The following NCOA1 variants were observed in gnomAD, a reference collection of about 807,000 sequenced individuals.
The protein encoded by NCOA1 is Hin-2 protein.
Under a neutral mutation model 150.9 loss-of-function variants are expected in NCOA1, and 35 were observed. The ratio of observed to expected loss-of-function variants is 0.23; its 90% CI spans 0.18 to 0.31. The LOEUF is 0.31. Among genes scored for constraint, NCOA1 ranks in the 10% least tolerant of loss-of-function variants. The pLI is 1.00. For missense variants in NCOA1, 1,491 were observed against 1,749.3 expected (o/e 0.85, Z 2.63); for synonymous variants, 590 against 630.0 (o/e 0.94, Z 0.95).
intron 4 of NCOA1, among the ~76,000 whole-genome samples, chr2:24,645,607 G>A (rs938528440): frequency 1.3e-5 from 2 of 151,620 alleles, no homozygotes; most frequent in Admixed American, 6.6e-5. Context: ...GTATTTACAC[G>A]TTGAGTGCCC....
chr2:24,579,229 C>T (rs1350546086), intron 2 of NCOA1, among the ~76,000 whole-genome samples: 2 of 152,098 alleles, frequency 1.3e-5, no homozygotes, highest in Non-Finnish European at 2.9e-5. Context: ...TATGGATTCT[C>T]TTGGGAGCCA....
chr2:24,731,604 CAATA>C (rs531366063), intron 17 of NCOA1, among the ~76,000 whole-genome samples: 2 of 150,964 alleles, frequency 1.3e-5, no homozygotes, highest in African/African-American at 2.4e-5. Context: ...GATAGAATAA[CAATA>C]AAAGGAATAA....
chr2:24,694,714 T>C (rs1355256689), intron 10 of NCOA1, among the ~76,000 whole-genome samples: 2 of 152,150 alleles, frequency 1.3e-5, no homozygotes, highest in East Asian at 3.8e-4. Context: ...GAGTCTACCA[T>C]GTATTATGTT....
At chr2:24,593,238 T>G (rs1262555077) in intron 3 of NCOA1, among the ~76,000 whole-genome samples, 4 of 152,022 alleles carry the variant, frequency 2.6e-5, no homozygotes, top group South Asian at 2.1e-4. Flanking sequence ...AAACCTATAT[T>G]TATTAAACTC....
At chr2:24,528,919 C>A (rs1163769787) in intron 1 of NCOA1, among the ~76,000 whole-genome samples, 1 of 152,160 alleles carries the variant, frequency 6.6e-6, no homozygotes, top group Non-Finnish European at 1.5e-5. Context: ...CAGTCTCTCA[C>A]ATTCTTGCCC....
At chr2:24,614,257 A>G (rs1320665859) in intron 3 of NCOA1, among the ~76,000 whole-genome samples, 6 of 63,146 alleles carry the variant, frequency 9.5e-5, no homozygotes. Context: ...TCTGTTATCC[A>G]GGCTGGAGTA....
At chr2:24,514,378 T>C (rs763287158) in intron 1 of NCOA1, among the ~76,000 whole-genome samples, 25 of 150,208 alleles carry the variant, frequency 1.7e-4, no homozygotes, top group Admixed American at 5.3e-4. Flanking sequence ...GCATTGGTAA[T>C]AGTCTTCATT....
At chr2:24,580,039 A>G (rs1258113157) in intron 2 of NCOA1, among the ~76,000 whole-genome samples, 1 of 152,192 alleles carries the variant, frequency 6.6e-6, no homozygotes, top group African/African-American at 2.4e-5. Context: ...TCAGGTGTGG[A>G]CGTCAGTAAA....
intron 1 of NCOA1, among the ~76,000 whole-genome samples, chr2:24,526,113 T>C (rs570058897): frequency 6.6e-6 from 1 of 152,338 alleles, no homozygotes; most frequent in East Asian, 1.9e-4. Context: ...TCAGACTCTT[T>C]TGGAAATCCT....
intron 10 of NCOA1, among the ~76,000 whole-genome samples, chr2:24,694,601 G>C (rs1572603215): frequency 6.6e-6 from 1 of 152,146 alleles, no homozygotes; most frequent in East Asian, 1.9e-4. Flanking sequence ...GGATAAATTA[G>C]CACAGATAAT....
At chr2:24,617,086 A>T (rs1668904571) in intron 3 of NCOA1, among the ~76,000 whole-genome samples, 1 of 152,146 alleles carries the variant, frequency 6.6e-6, no homozygotes, top group South Asian at 2.1e-4. Context: ...ACTTACCATC[A>T]AATACTTGTT....
At chr2:24,492,431 T>A (rs1446642562) in intron 1 of NCOA1, among the ~76,000 whole-genome samples, 1 of 152,184 alleles carries the variant, frequency 6.6e-6, no homozygotes, top group Admixed American at 6.5e-5. Flanking sequence ...GCTGCTTTTT[T>A]ATTTTATTTA....
intron 1 of NCOA1, among the ~76,000 whole-genome samples, chr2:24,516,159 C>G (rs1192320972): frequency 7.5e-6 from 1 of 132,988 alleles, no homozygotes; most frequent in Non-Finnish European, 1.7e-5. Flanking sequence ...TAATTTTTTT[C>G]TCTTTATGAA....
At chr2:24,653,211 C>T (rs1368868902) in intron 4 of NCOA1, among the ~76,000 whole-genome samples, 1 of 152,154 alleles carries the variant, frequency 6.6e-6, no homozygotes, top group Non-Finnish European at 1.5e-5. Context: ...CAAAATTATT[C>T]AATCTGTGAG....
chr2:24,764,202 T>C (rs1664935984), intron 22 of NCOA1, among the ~76,000 whole-genome samples: 2 of 152,184 alleles, frequency 1.3e-5, no homozygotes, highest in Admixed American at 1.3e-4. Flanking sequence ...CATGTACCAT[T>C]CACAGTGCTA....
intron 14 of NCOA1, among the ~76,000 whole-genome samples, chr2:24,715,252 C>T (rs1237639149): frequency 6.6e-6 from 1 of 152,044 alleles, no homozygotes; most frequent in East Asian, 1.9e-4. Flanking sequence ...ATGGAAAATT[C>T]TTTTTTCTCA....
chr2:24,633,210 C>A (rs1669784992), intron 3 of NCOA1, among the ~76,000 whole-genome samples: 1 of 150,274 alleles, frequency 6.7e-6, no homozygotes, highest in Non-Finnish European at 1.5e-5. Flanking sequence ...GATGCTGCAC[C>A]CATAAAGCAA....
intron 3 of NCOA1, among the ~76,000 whole-genome samples, chr2:24,600,453 C>T (rs1450242830): frequency 2.6e-5 from 4 of 152,222 alleles, no homozygotes; most frequent in Admixed American, 1.3e-4. Context: ...GTGATCCGCA[C>T]GCCTTGGCCT....
At chr2:24,692,748 ACTCT>A (rs1208005435) in intron 9 of NCOA1, among the ~76,000 whole-genome samples, 1 of 152,122 alleles carries the variant, frequency 6.6e-6, no homozygotes, top group Non-Finnish European at 1.5e-5. Flanking sequence ...ATGCCAACTA[ACTCT>A]CTACCTGGAG....
Sources: allele counts gnomAD v4.1 joint callset (sites outside exome capture counted in the v4.1 genomes callset), GRCh38; gene constraint gnomAD v4.1.1; transcripts MANE v1.5; gene names NCBI Gene and HGNC (gene_info 2026-07-23, HGNC 2026-07-21).